Variants in PMFBP1 observed in about 807,000 individuals in gnomAD.
PMFBP1 encodes polyamine modulated factor 1 binding protein 1.
Under a neutral mutation model 137.8 loss-of-function variants are expected in PMFBP1, and 131 were observed. The ratio of observed to expected loss-of-function variants is 0.95; its 90% confidence interval spans 0.82 to 1.10. The LOEUF (loss-of-function observed/expected upper bound fraction) is 1.10, where lower values mean the gene tolerates loss of function less well. Ranked by LOEUF, PMFBP1 falls within the 50% of genes least tolerant of loss-of-function variation. PMFBP1 has a pLI of 0.00. For missense variants in PMFBP1, 1,199 were observed against 1,175.4 expected, an observed-to-expected ratio of 1.02 and a Z score of -0.29; for synonymous variants, 490 against 450.4, an observed-to-expected ratio of 1.09 and a Z score of -1.11.
intron 11 of PMFBP1, 49 bp downstream of exon 11, chr16:72,130,484 G>A (rs757284623): frequency 2.5e-6 from 4 of 1,610,952 alleles, no homozygotes; most frequent in Non-Finnish European, 3.4e-6. Context: ...GCCCGGCTGG[G>A]TCAAGAGTGA....
At chr16:72,189,986 C>T in the PMFBP1 span, among the ~76,000 whole-genome samples, 1 of 152,014 alleles carries the variant, frequency 6.6e-6, no homozygotes, top group Admixed American at 6.6e-5. Flanking sequence ...TCTTGGCAGG[C>T]AGTCAGTCAG....
intron 9 of PMFBP1, among the ~76,000 whole-genome samples, chr16:72,135,387 T>C (rs1166763332): frequency 1.3e-5 from 2 of 150,082 alleles, no homozygotes; most frequent in Non-Finnish European, 3.0e-5. Flanking sequence ...TTGTTGTTGT[T>C]GTTTTTTTAA....
chr16:72,148,590 TA>T, intron 5 of PMFBP1, among the ~76,000 whole-genome samples: 1 of 152,144 alleles, frequency 6.6e-6, no homozygotes, highest in South Asian at 2.1e-4. Context: ...AATGAAAAGT[TA>T]CAGACTGGGA....
At chr16:72,224,771 C>T in the PMFBP1 span, 2 of 152,232 alleles carry the variant, frequency 1.3e-5, no homozygotes, top group African/African-American at 4.8e-5. Flanking sequence ...ACTGAATCAA[C>T]TTGCTCATAG....
At chr16:72,213,920 G>A in the PMFBP1 span, among the ~76,000 whole-genome samples, 1 of 152,192 alleles carries the variant, frequency 6.6e-6, no homozygotes, top group Non-Finnish European at 1.5e-5. Flanking sequence ...ACAGTGAACA[G>A]TATTAACATA....
At chr16:72,226,700 A>T in the PMFBP1 span, among the ~76,000 whole-genome samples, 1 of 152,180 alleles carries the variant, frequency 6.6e-6, no homozygotes, top group Non-Finnish European at 1.5e-5. Flanking sequence ...AAGGTGGTTG[A>T]AATGATAAAA....
rs1017393286 is a variant in PMFBP1 at position 72,160,466 on chromosome 16, C to T, written c.165+4298G>A. Among the ~76,000 whole-genome samples, 6 of 152,276 alleles carry T rather than the reference C, an allele frequency of 3.9e-5. No individual in the cohort carries two copies. In the East Asian group the frequency reaches 1.2e-3, roughly 29 times the overall value. On this transcript the variant is annotated intron_variant, in intron 3 of 20. Transcript: ENST00000237353. ...GTACTCTTCGAAGTATGTCATCAGG[C>T]CCTGCTGATTTGCCTAAAGCTGGCT...
intron 4 of PMFBP1, among the ~76,000 whole-genome samples, chr16:72,153,531 C>G (rs2042934450): frequency 6.6e-6 from 1 of 152,194 alleles, no homozygotes; most frequent in South Asian, 2.1e-4. Flanking sequence ...TTTACTGCAC[C>G]TAGTGCTATC....
At chr16:72,124,578 C>T (rs34139543) in intron 17 of PMFBP1, among the ~76,000 whole-genome samples, 189 bp downstream of exon 17, 9,939 of 152,294 alleles carry the variant, frequency 0.065, 465 homozygotes, top group Middle Eastern at 0.11. Context: ...TATCTATCAA[C>T]AAAGCCACAA....
At chr16:72,211,885 T>C in the PMFBP1 span, among the ~76,000 whole-genome samples, 1 of 152,080 alleles carries the variant, frequency 6.6e-6, no homozygotes, top group African/African-American at 2.4e-5. Flanking sequence ...TAGTCCCAGC[T>C]ACTAGAGAGG....
At chr16:72,211,153 G>A in the PMFBP1 span, among the ~76,000 whole-genome samples, 1 of 152,028 alleles carries the variant, frequency 6.6e-6, no homozygotes, top group African/African-American at 2.4e-5. Flanking sequence ...GGCAACATAG[G>A]GACTTAGGTC....
chr16:72,129,438 A>G (rs2042514828), intron 12 of PMFBP1, among the ~76,000 whole-genome samples: 1 of 152,216 alleles, frequency 6.6e-6, no homozygotes, highest in African/African-American at 2.4e-5. Context: ...TATTTTATTT[A>G]TTGATCTAAT....
In PMFBP1 at chr16:72,125,955, G is replaced by C. The variant is rs148862811; in HGVS notation, c.2253+13C>G. 36 of 1,613,564 alleles carry C rather than the reference G, an allele frequency of 2.2e-5. No individual in the cohort carries two copies. In the African/African-American group the frequency reaches 4.0e-4, roughly 18 times the overall value. On this transcript the variant is annotated intron_variant, in intron 15 of 20. Transcript: ENST00000237353. The stretch of plus-strand genomic sequence containing the variant: ...CTGAAAACAGCCCTGGAGACTAGAG[G>C]GTGTGGCCTCACCTTCTCGAGGGCT...
chr16:72,249,846 G>A, the PMFBP1 span, among the ~76,000 whole-genome samples: 11 of 149,588 alleles, frequency 7.4e-5, 1 homozygote, highest in East Asian at 2.0e-4. Context: ...GTTTGAACCC[G>A]GGAGGCAGAG....
At chr16:72,151,794 C>G (rs182214899) in intron 4 of PMFBP1, among the ~76,000 whole-genome samples, 1 of 152,288 alleles carries the variant, frequency 6.6e-6, no homozygotes. Context: ...ATCCCCTGGG[C>G]ACTTGCTATT....
chr16:72,246,911 T>C, the PMFBP1 span, among the ~76,000 whole-genome samples: 11 of 152,010 alleles, frequency 7.2e-5, no homozygotes, highest in Non-Finnish European at 1.0e-4. Context: ...AAATAAAAAG[T>C]TTTACTAACA....
chr16:72,243,089 C>T, the PMFBP1 span, among the ~76,000 whole-genome samples: 1 of 152,188 alleles, frequency 6.6e-6, no homozygotes, highest in Admixed American at 6.5e-5. Flanking sequence ...TGCCTATGAA[C>T]TCAGAGGAGC....
At chr16:72,239,306 G>T in the PMFBP1 span, among the ~76,000 whole-genome samples, 3 of 152,242 alleles carry the variant, frequency 2.0e-5, no homozygotes, top group Admixed American at 1.3e-4. Flanking sequence ...AGACTTGAAG[G>T]AATCAGTTTG....
chr16:72,119,056 G>A, downstream of PMFBP1: 1 of 375,964 alleles, frequency 2.7e-6, no homozygotes, highest in Non-Finnish European at 4.8e-6. Context: ...GGATTGCGGG[G>A]CAGAAATGTC....
Sources: allele counts gnomAD v4.1 joint callset (sites outside exome capture counted in the v4.1 genomes callset), GRCh38; gene constraint gnomAD v4.1.1; transcripts MANE v1.5; gene names NCBI Gene and HGNC (gene_info 2026-07-23, HGNC 2026-07-21).